Variants in ZFP62 observed in about 807,000 individuals in gnomAD.
The protein encoded by ZFP62 is ZFP62 zinc finger protein, also known as zinc finger protein 62 homolog.
A neutral mutation model predicts 56.4 loss-of-function variants in ZFP62; 44 were observed. The ratio of observed to expected loss-of-function variants is 0.78; its 90% confidence interval spans 0.61 to 1.00. ZFP62 has a LOEUF of 1.00. ZFP62 is among the 50% of genes least tolerant of loss of function. ZFP62 has a pLI of 0.00. For missense variants in ZFP62, 1,030 were observed against 1,085.7 expected, an observed-to-expected ratio of 0.95 and a Z score of 0.72; for synonymous variants, 421 against 388.9, an observed-to-expected ratio of 1.08 and a Z score of -0.97.
In ZFP62 at chr5:180,861,044, T is replaced by C. The variant is rs572747060; in HGVS notation, c.1+175A>G. Among the ~76,000 whole-genome samples, 6 of 152,204 alleles carry C rather than the reference T, an allele frequency of 3.9e-5. No individual in the cohort carries two copies. The South Asian group carries it at 1.2e-3, about 32-fold the overall frequency. ...TGCACCCCTCTGCCTGCCCGAGGTC[T>C]TCCCTCCCCTCCGCTCCCCAGAAAC... On this transcript the variant is annotated intron_variant, in intron 1 of 1. Transcript: ENST00000502412.
intron 1 of ZFP62, among the ~76,000 whole-genome samples, chr5:180,856,325 A>G (rs1415525055): frequency 6.6e-6 from 1 of 152,248 alleles, no homozygotes. Flanking sequence ...AATGAAATCT[A>G]TGTTAATCAA....
At chr5:180,828,180 G>A in the ZFP62 span, among the ~76,000 whole-genome samples, 18 of 151,970 alleles carry the variant, frequency 1.2e-4, no homozygotes, top group African/African-American at 3.6e-4. Flanking sequence ...CAAGTCTCTC[G>A]TTCCACCTAA....
rs1238334749 is a variant in ZFP62 at position 180,851,380 on chromosome 5, C to T, written c.115G>A (p.Val39Ile). Residue 39 changes from valine to isoleucine, a missense_variant, in exon 2 of 2, where the codon GTT becomes ATT. Physicochemically the swap from Val to Ile is conservative, Grantham distance 29. Coordinates refer to ENST00000502412, the MANE Select transcript of ZFP62 (RefSeq NM_001172638.2). ...KVEDPMPESKVGDTCVWDSKV... is the reference protein window; with the variant it reads ...KVEDPMPESKIGDTCVWDSKV... ...CTATCCCAAACACATGTGTCACCAA[C>T]CTTAGATTCAGGCATAGGATCCTCC... The T allele has an allele frequency of 2.6e-6, 4 of 1,551,670 alleles. No homozygotes were observed. The East Asian group carries it at 7.3e-5, about 28-fold the overall frequency.
the ZFP62 span, among the ~76,000 whole-genome samples, chr5:180,840,393 T>C: frequency 1.3e-5 from 2 of 152,200 alleles, no homozygotes; most frequent in Admixed American, 1.3e-4. Flanking sequence ...CAAGATAAAC[T>C]AGATAACTTG....
At chr5:180,842,249 C>T in the ZFP62 span, among the ~76,000 whole-genome samples, 1 of 152,000 alleles carries the variant, frequency 6.6e-6, no homozygotes, top group Non-Finnish European at 1.5e-5. Context: ...ACAGGAGATA[C>T]AGTGAGAAGG....
chr5:180,847,561 T>A, downstream of ZFP62: 2 of 983,862 alleles, frequency 2.0e-6, no homozygotes, highest in Non-Finnish European at 2.4e-6. Context: ...CCAACAAAGA[T>A]CTGGCACACA....
In ZFP62 at chr5:180,857,428, A is replaced by G. The variant is rs187445595; in HGVS notation, c.1+3791T>C. ...AGCAGTGTGCCCACCTCTGTTAGAT[A>G]ATATCAAGGAATCAGAGCTAATTTA... On this transcript the variant is annotated intron_variant, in intron 1 of 1. Coordinates refer to ENST00000502412, the MANE Select transcript of ZFP62 (RefSeq NM_001172638.2). Among the ~76,000 whole-genome samples, 376 of 152,338 alleles carry G rather than the reference A, an allele frequency of 2.5e-3. 1 individual carries two copies. The highest frequency in any genetic ancestry group is 8.6e-3 in the African/African-American group (357 of 41,572).
chr5:180,852,077 A>G, intron 1 of ZFP62: 1 of 955,966 alleles, frequency 1.0e-6, no homozygotes, highest in Non-Finnish European at 1.2e-6. Context: ...ATTAAAATAT[A>G]TTATTAAACG....
chr5:180,849,359 T>G lies in ZFP62; in HGVS notation c.2136A>C (p.Ser712=), dbSNP rs1272134227. ...TTTTATGGCTTATAAGAGTTCTGCT[T>G]GAGAAAAAAGCTTTTCCACATTCAT... is the stretch of plus-strand genomic sequence containing the variant. ...TCDECGKAFF[S]SRTLISHKRV... The change falls in exon 2 of 2, where the codon TCA becomes TCC. Residue 712 remains serine (S), a synonymous_variant. Coordinates refer to ENST00000502412, the MANE Select transcript of ZFP62 (RefSeq NM_001172638.2). The G allele has an allele frequency of 3.2e-6, 5 of 1,551,710 alleles. No individual in the cohort carries two copies. The East Asian group carries it at 9.8e-5, about 30-fold the overall frequency.
chr5:180,841,772 G>A, the ZFP62 span, among the ~76,000 whole-genome samples: 1 of 152,212 alleles, frequency 6.6e-6, no homozygotes, highest in African/African-American at 2.4e-5. Flanking sequence ...AAAGGAAGAA[G>A]GTCCAGTGCT....
rs1773494316 is a variant in ZFP62 at position 180,848,374 on chromosome 5, A to G, written c.*418T>C. The G allele has an allele frequency of 1.0e-6, 1 of 990,260 alleles. No individual in the cohort carries two copies. The highest frequency in any genetic ancestry group is 1.2e-6 in the Non-Finnish European group (1 of 833,314). 61.3% of individuals were successfully genotyped at this position (990,260 alleles called of 1,614,324 possible). Reference sequence around the variant, plus strand: ...GAGGCCCTTAGTTTTCCCACTGACCAATGTGTAATTGGGATTCAAAGCTAT... The same window carrying G: ...GAGGCCCTTAGTTTTCCCACTGACCGATGTGTAATTGGGATTCAAAGCTAT... On this transcript the variant is annotated 3_prime_UTR_variant, in exon 2 of 2. Transcript: ENST00000502412.
chr5:180,848,813 GC>G lies in ZFP62; in HGVS notation c.2681del (p.Gly894AlafsTer3). On this transcript the variant is annotated frameshift_variant, in exon 2 of 2. Transcript: ENST00000502412. LOFTEE classifies it high-confidence loss of function. ...TYEGGNALDG[G>X]RMRMPL ...CCTGCTACAGAGGCATCCTCATCCT[GC>G]CCCCATCCAGGGCATTCCCTCCCTC... 6.5e-7 allele frequency: 1 copy of G among 1,537,468 alleles called. No individual in the cohort carries two copies. Among genetic ancestry groups the G allele is most frequent in the Non-Finnish European group, 8.8e-7 (1 of 1,136,916 alleles).
At chr5:180,853,839 T>C (rs757441070) in intron 1 of ZFP62, among the ~76,000 whole-genome samples, 17 of 152,168 alleles carry the variant, frequency 1.1e-4, no homozygotes, top group Non-Finnish European at 8.8e-5. Context: ...CCTGAGTAAA[T>C]GTGTTGATTT....
intron 1 of ZFP62, 129 bp from the exon 2 acceptor site, chr5:180,851,622 G>A (rs757123725): frequency 4.4e-5 from 49 of 1,114,972 alleles, no homozygotes; most frequent in Non-Finnish European, 5.9e-5. Flanking sequence ...CAGGTACCAT[G>A]TGCCATGTAC....
At position 180,850,992 on chromosome 5, in the gene ZFP62, C is replaced by A; in HGVS notation, c.503G>T (p.Arg168Leu). Residue 168 changes from arginine (R) to leucine (L), a missense_variant, in exon 2 of 2, where the codon CGC becomes CTC. Transcript: ENST00000502412. ...CCCTCCACAGTCATCACATTCATAG[C>A]GCTTTTCCCCAGTGTGCATAATTTT... ...QHKIMHTGEK[R>L]YECDDCGGTF... 1 of 1,552,070 alleles carries A rather than the reference C, an allele frequency of 6.4e-7. No homozygotes were observed. Among genetic ancestry groups the A allele is most frequent in the East Asian group, 2.4e-5 (1 of 40,926 alleles).
rs773286638 is a variant in ZFP62, at chr5:180,850,199, A to AT, written c.1295dup (p.Tyr432Ter). ...TTCTGTGTTGAAGAAGTAGTGAGTT[A>AT]TAACTAAAGGATTTCCCACACTCCT... ...ECKECGKSFS[Y>*]NSLLLQHRTI... Residue 432 changes from tyrosine to a stop codon, truncating the protein, a stop_gained and frameshift_variant, in exon 2 of 2, where the codon TAT (tyrosine) becomes TAAT (stop). Transcript: ENST00000502412. LOFTEE classifies it high-confidence loss of function. The AT allele has an allele frequency of 6.4e-7, 1 of 1,552,212 alleles. No individual in the cohort carries two copies.
In ZFP62 at chr5:180,850,619, G is replaced by A. The variant is rs182898406; in HGVS notation, c.876C>T (p.Asn292=). 6.4e-6 allele frequency: 10 copies of A among 1,569,750 alleles called. No individual in the cohort carries two copies. In the Admixed American group the frequency reaches 7.6e-5, roughly 12 times the overall value. ...TTTTATGGACCCTAAGGCCAGAGCT[G>A]TTACTGAAGGTTTTCCCACAGATGT... The part of the protein sequence containing the change: ...ECDICGKTFS[N]SSGLRVHKRI... The change falls in exon 2 of 2, where the codon AAC becomes AAT. Residue 292 remains asparagine, a synonymous_variant. Transcript: ENST00000502412.
In ZFP62 at chr5:180,851,249, C is replaced by G; in HGVS notation, c.246G>C (p.Lys82Asn). Residue 82 changes from lysine to asparagine, a missense_variant, in exon 2 of 2, where the codon AAG (lysine) becomes AAC (asparagine). By Grantham distance (94) the Lys-to-Asn change is moderately conservative. Transcript: ENST00000502412. ...CAGATGCCTCACCTTCCTGTTCTGT[C>G]TTTATATTTGCTGTACTCTTGGCTT... ...ISKAKSTANI[K>N]TEQEGEASEK... The G allele has an allele frequency of 6.4e-7, 1 of 1,551,638 alleles. No homozygotes were observed. Among genetic ancestry groups the G allele is most frequent in the African/African-American group, 1.4e-5 (1 of 73,150 alleles).
In ZFP62 at chr5:180,849,990, T is replaced by C; in HGVS notation, c.1505A>G (p.Glu502Gly). The C allele has an allele frequency of 1.3e-6, 2 of 1,551,718 alleles. No homozygotes were observed. The highest frequency in any genetic ancestry group is 1.7e-6 in the Non-Finnish European group (2 of 1,146,994). ...ACAATAGCTACATTTATAGGGCTTC[T>C]CCCCAAGGTGGATTCCTTTGTGATT... ...LKNHKGIHLGEKPYKCSYCEK... is the reference protein window; with the variant it reads ...LKNHKGIHLGGKPYKCSYCEK... The change falls in exon 2 of 2, where the codon GAG (glutamate) becomes GGG (glycine). Residue 502 changes from glutamate to glycine, a missense_variant. Physicochemically the swap from Glu to Gly is moderately conservative, Grantham distance 98. Transcript: ENST00000502412.
Sources: gnomAD v4.1 joint callset for allele counts (sites outside exome capture counted in the v4.1 genomes callset) on GRCh38, gnomAD v4.1.1 for gene constraint, MANE v1.5 for transcripts, NCBI Gene and HGNC (gene_info 2026-07-23, HGNC 2026-07-21) for gene names.